Variants in KLF7 observed in about 807,000 individuals in gnomAD.
KLF7 encodes the protein KLF transcription factor 7, also known as Krueppel-like factor 7.
A neutral mutation model predicts 27.3 loss-of-function variants in KLF7; 2 were observed. The ratio of observed to expected loss-of-function variants is 0.07; its 90% CI spans 0.03 to 0.23. The LOEUF (loss-of-function observed/expected upper bound fraction) is 0.23. Among genes scored for constraint, KLF7 ranks in the 10% least tolerant of loss-of-function variants. The probability of loss-of-function intolerance (pLI) is 1.00; values close to 1 mark genes in which losing one functional copy is unlikely to be tolerated. For missense variants in KLF7, 221 were observed against 394.1 expected, an observed-to-expected ratio of 0.56 and a Z score of 3.72; for synonymous variants, 165 against 162.4, an observed-to-expected ratio of 1.02 and a Z score of -0.12.
At chr2:207,140,388 C>G (rs1305297076) in intron 1 of KLF7, among the ~76,000 whole-genome samples, 1 of 152,088 alleles carries the variant, frequency 6.6e-6, no homozygotes, top group Non-Finnish European at 1.5e-5. Flanking sequence ...CTAAATAAGT[C>G]AACATTTTTC....
intron 3 of KLF7, among the ~76,000 whole-genome samples, chr2:207,085,440 T>C (rs552607517): frequency 2.0e-5 from 3 of 152,262 alleles, no homozygotes; most frequent in African/African-American, 7.2e-5. Context: ...GAGCCCTATC[T>C]ACCACCATCA....
At chr2:207,149,148 CAAT>C in intron 1 of KLF7, 1 of 1,287,902 alleles carries the variant, frequency 7.8e-7, no homozygotes, top group Non-Finnish European at 1.0e-6. Context: ...ATTTCATAGT[CAAT>C]AATAAGAAAC....
At position 207,159,813 on chromosome 2, in the gene KLF7, G is replaced by C. The variant is rs890932085; in HGVS notation, c.102+5654C>G. On this transcript the variant is annotated intron_variant, in intron 1 of 3. Coordinates refer to ENST00000309446, the MANE Select transcript of KLF7 (RefSeq NM_003709.4). ...ATATATCAAGCATGTGGTACTGCTC[G>C]AATGGAGGGGGGATGGACATGAGTC... 3.3e-5 allele frequency among the ~76,000 whole-genome samples: 5 copies of C among 152,114 alleles called. No homozygotes were observed. In the East Asian group the frequency reaches 9.6e-4, roughly 29 times the overall value.
chr2:207,103,077 G>A (rs951484660), intron 2 of KLF7, among the ~76,000 whole-genome samples: 2 of 152,066 alleles, frequency 1.3e-5, no homozygotes, highest in African/African-American at 2.4e-5. Context: ...ACAGGTGCCC[G>A]CCACCACACC....
intron 1 of KLF7, among the ~76,000 whole-genome samples, chr2:207,127,270 C>T (rs2077506713): frequency 6.6e-6 from 1 of 152,056 alleles, no homozygotes; most frequent in South Asian, 2.1e-4. Flanking sequence ...GCATAAGTAC[C>T]CATCGGGATG....
In KLF7 at chr2:207,081,107, T is replaced by C. The variant is rs146001874; in HGVS notation, c.*106A>G. ...TGTACAGAGGTTTATAAGTGAGAAC[T>C]TTCTTCTGCGAGGCAATGGGTCCCC... On this transcript the variant is annotated 3_prime_UTR_variant, in exon 4 of 4. Coordinates refer to ENST00000309446, the MANE Select transcript of KLF7 (RefSeq NM_003709.4). 297 of 924,136 alleles carry C rather than the reference T, an allele frequency of 3.2e-4. No homozygotes were observed. In the East Asian group the frequency reaches 6.9e-3, roughly 21 times the overall value. 57.2% of individuals were successfully genotyped at this position (924,136 alleles called of 1,614,324 possible).
At position 207,077,089 on chromosome 2, in the gene KLF7, G is replaced by A. The variant is rs2076188276; in HGVS notation, c.*4124C>T. 1 of 152,152 alleles carries A rather than the reference G, an allele frequency of 6.6e-6. No individual in the cohort carries two copies. The highest frequency in any genetic ancestry group is 2.4e-5 in the African/African-American group (1 of 41,436). The allele number at this position is 152,152 out of a possible 1,614,324, so 9.4% of individuals were successfully genotyped here. On this transcript the variant is annotated 3_prime_UTR_variant, in exon 4 of 4. Coordinates refer to ENST00000309446, the MANE Select transcript of KLF7 (RefSeq NM_003709.4). ...AACTCATGCAAAAGAGAAGACAGAA[G>A]CACTTCCCACTTTTTACTTAACATT...
intron 3 of KLF7, among the ~76,000 whole-genome samples, chr2:207,083,206 C>G (rs187811757): frequency 1.3e-5 from 2 of 152,136 alleles, no homozygotes; most frequent in Non-Finnish European, 2.9e-5. Context: ...AAAATCAATA[C>G]AGCCCGCAGG....
At chr2:207,104,140 T>C (rs1302727376) in intron 2 of KLF7, among the ~76,000 whole-genome samples, 1 of 152,224 alleles carries the variant, frequency 6.6e-6, no homozygotes, top group East Asian at 1.9e-4. Flanking sequence ...ACAAACCCAA[T>C]ACCACATGGA....
At position 207,075,429 on chromosome 2, in the gene KLF7, T is replaced by C. The variant is rs950729045; in HGVS notation, c.*5784A>G. Reference sequence around the variant, plus strand: ...CGAGGGCTATAAGACTGGGTACTTCTGTGATATATTATAAATACCAGAGAA... The same window carrying C: ...CGAGGGCTATAAGACTGGGTACTTCCGTGATATATTATAAATACCAGAGAA... On this transcript the variant is annotated 3_prime_UTR_variant, in exon 4 of 4. Coordinates refer to ENST00000309446, the MANE Select transcript of KLF7 (RefSeq NM_003709.4). 1 of 151,634 alleles carries C rather than the reference T, an allele frequency of 6.6e-6. No homozygotes were observed. Among genetic ancestry groups the C allele is most frequent in the African/African-American group, 2.4e-5 (1 of 41,284 alleles). The allele number at this position is 151,634 out of a possible 1,614,324, so 9.4% of individuals were successfully genotyped here. A position where few individuals can be genotyped will look rare whatever the true frequency, so the allele number is the denominator to read the frequency against.
chr2:207,164,929 A>G (rs1477766538), intron 1 of KLF7, among the ~76,000 whole-genome samples: 2 of 151,858 alleles, frequency 1.3e-5, no homozygotes, highest in Non-Finnish European at 2.9e-5. Context: ...TCTAATCTCA[A>G]AATCAAGCTC....
At position 207,077,190 on chromosome 2, in the gene KLF7, A is replaced by C. The variant is rs543764589; in HGVS notation, c.*4023T>G. 18 of 152,148 alleles carry C rather than the reference A, an allele frequency of 1.2e-4. No individual in the cohort carries two copies. The highest frequency in any genetic ancestry group is 2.2e-4 in the Non-Finnish European group (15 of 68,028). The allele number at this position is 152,148 out of a possible 1,614,324, so 9.4% of individuals were successfully genotyped here. On this transcript the variant is annotated 3_prime_UTR_variant, in exon 4 of 4. Coordinates refer to ENST00000309446, the MANE Select transcript of KLF7 (RefSeq NM_003709.4). ...CACTGGGTTTTGTTCTTGCAACTTG[A>C]GTTTCTTTTGGCTTTGCCATAAAAT...
intron 1 of KLF7, among the ~76,000 whole-genome samples, chr2:207,148,440 T>C (rs2078156450): frequency 6.6e-6 from 1 of 151,998 alleles, no homozygotes; most frequent in Non-Finnish European, 1.5e-5. Context: ...CTGCTTCCCA[T>C]GGTCATTCTA....
intron 2 of KLF7, among the ~76,000 whole-genome samples, chr2:207,115,143 A>C (rs2105954248): frequency 6.6e-6 from 1 of 151,832 alleles, no homozygotes; most frequent in South Asian, 2.1e-4. Context: ...AATGCAGATA[A>C]CTTTTGAAGG....
chr2:207,088,359 G>A (rs2076437756), intron 3 of KLF7, 99 bp downstream of exon 3: 4 of 1,393,700 alleles, frequency 2.9e-6, no homozygotes, highest in South Asian at 1.5e-5. Context: ...GTGTCTGTGA[G>A]TCAGACCTGT....
At chr2:207,128,054 G>A (rs1384718625) in intron 1 of KLF7, among the ~76,000 whole-genome samples, 1 of 152,128 alleles carries the variant, frequency 6.6e-6, no homozygotes, top group African/African-American at 2.4e-5. Context: ...CAGGGATCTT[G>A]GTTTCTAAAT....
chr2:207,167,100 C>T (rs1215936510), upstream of KLF7: 2 of 1,401,864 alleles, frequency 1.4e-6, no homozygotes, highest in African/African-American at 1.5e-5. Flanking sequence ...CAAGCTGGAG[C>T]CGGCAGCTTG....
chr2:207,171,012 A>G (rs910026153), upstream of KLF7, among the ~76,000 whole-genome samples: 11 of 150,522 alleles, frequency 7.3e-5, no homozygotes, highest in African/African-American at 2.5e-4. Context: ...GGATCTGGGC[A>G]AAGTAAATTA....
At chr2:207,129,335 G>A (rs769926373) in intron 1 of KLF7, among the ~76,000 whole-genome samples, 6 of 152,100 alleles carry the variant, frequency 3.9e-5, no homozygotes, top group Non-Finnish European at 7.4e-5. Context: ...CCCTCAGCCT[G>A]ACCTAACCAT....
Sources: allele counts gnomAD v4.1 joint callset (sites outside exome capture counted in the v4.1 genomes callset), GRCh38; gene constraint gnomAD v4.1.1; transcripts MANE v1.5; gene names NCBI Gene and HGNC (gene_info 2026-07-23, HGNC 2026-07-21).